Variants in AMPH observed in about 807,000 individuals in gnomAD.
The protein encoded by AMPH is amphiphysin (Stiff-Mann syndrome with breast cancer 128kD autoantigen).
Under a neutral mutation model 99.1 loss-of-function variants are expected in AMPH, and 49 were observed. The ratio of observed to expected loss-of-function variants is 0.49; its 90% CI spans 0.39 to 0.63. AMPH has a LOEUF of 0.63. Ranked by LOEUF, AMPH falls within the 20% of genes least tolerant of loss-of-function variation. AMPH has a pLI of 0.00. For missense variants in AMPH, 759 were observed against 863.4 expected (o/e 0.88, Z 1.52); for synonymous variants, 314 against 317.3 (o/e 0.99, Z 0.11).
intron 18 of AMPH, among the ~76,000 whole-genome samples, chr7:38,393,501 G>A (rs1170619894): frequency 6.6e-6 from 1 of 152,172 alleles, no homozygotes; most frequent in African/African-American, 2.4e-5. Flanking sequence ...GGACCTAATG[G>A]CCCTGGTCCC....
At chr7:38,389,952 C>T in intron 19 of AMPH, 47 bp from the exon 20 acceptor site, 1 of 1,371,620 alleles carries the variant, frequency 7.3e-7, no homozygotes, top group Non-Finnish European at 1.0e-6. Context: ...AGCCAGATTT[C>T]AAGCAGACAC....
At chr7:38,424,566 G>A (rs754235392) in intron 15 of AMPH, among the ~76,000 whole-genome samples, 4 of 151,528 alleles carry the variant, frequency 2.6e-5, no homozygotes, top group Non-Finnish European at 5.9e-5. Context: ...AAAGGAAACA[G>A]CAAAGAAACA....
chr7:38,579,493 T>C (rs1355428208), intron 1 of AMPH, among the ~76,000 whole-genome samples: 2 of 152,250 alleles, frequency 1.3e-5, no homozygotes, highest in African/African-American at 4.8e-5. Flanking sequence ...TACAATGTAA[T>C]ATACATCAAG....
intron 17 of AMPH, among the ~76,000 whole-genome samples, chr7:38,394,603 G>A (rs1784611778): frequency 6.6e-6 from 1 of 152,144 alleles, no homozygotes; most frequent in African/African-American, 2.4e-5. Context: ...TTGAATCTCG[G>A]GACCTTAAAC....
intron 15 of AMPH, among the ~76,000 whole-genome samples, chr7:38,426,087 A>G (rs1785773897): frequency 6.6e-6 from 1 of 152,224 alleles, no homozygotes; most frequent in Non-Finnish European, 1.5e-5. Context: ...ACATGGGAAA[A>G]TAATGAAACC....
chr7:38,630,039 T>C (rs1413160918), intron 1 of AMPH, among the ~76,000 whole-genome samples: 1 of 152,186 alleles, frequency 6.6e-6, no homozygotes, highest in Non-Finnish European at 1.5e-5. Flanking sequence ...CAGCAACTCA[T>C]GGTCAGCCGG....
At chr7:38,502,467 T>C (rs1789172890) in intron 3 of AMPH, among the ~76,000 whole-genome samples, 1 of 152,266 alleles carries the variant, frequency 6.6e-6, no homozygotes, top group South Asian at 2.1e-4. Context: ...ATTCCTTGTC[T>C]ACAAGGAACA....
chr7:38,538,873 C>T (rs1215001898), intron 1 of AMPH, among the ~76,000 whole-genome samples: 1 of 152,250 alleles, frequency 6.6e-6, no homozygotes, highest in South Asian at 2.1e-4. Context: ...TTTGAGACAG[C>T]TCTGTGGCAT....
chr7:38,460,150 C>A (rs558076717), intron 11 of AMPH, among the ~76,000 whole-genome samples: 2 of 152,132 alleles, frequency 1.3e-5, no homozygotes, highest in African/African-American at 4.8e-5. Context: ...TGTCATCGTA[C>A]CCCAGTTAGA....
chr7:38,568,429 C>A lies in AMPH; in HGVS notation c.70-33418G>T, dbSNP rs368252591. On this transcript the variant is annotated intron_variant, in intron 1 of 20. Transcript: ENST00000356264. ...GCAGTAAGCCAAGATTGTGCCACTG[C>A]ACTCCAGCCTGGGCGGCAAAGCGAG... 2.0e-4 allele frequency among the ~76,000 whole-genome samples: 30 copies of A among 152,278 alleles called. 1 individual carries two copies. The East Asian group carries it at 2.1e-3, about 11-fold the overall frequency.
At chr7:38,615,753 G>C (rs1385540209) in intron 1 of AMPH, among the ~76,000 whole-genome samples, 1 of 152,110 alleles carries the variant, frequency 6.6e-6, no homozygotes, top group African/African-American at 2.4e-5. Context: ...AGGCTAAGGA[G>C]ACCTGAAGTT....
chr7:38,472,419 T>A (rs995992373), intron 7 of AMPH, among the ~76,000 whole-genome samples: 2 of 152,166 alleles, frequency 1.3e-5, no homozygotes, highest in African/African-American at 4.8e-5. Context: ...AAAGTGTTTT[T>A]AAATGCTACC....
Position 38,512,430 on chromosome 7 carries a change from A to T in AMPH, c.151-8726T>A, listed in dbSNP as rs145030196. Among the ~76,000 whole-genome samples the T allele has an allele frequency of 7.6e-3, 1,158 of 152,326 alleles. 15 individuals carry two copies. The highest frequency in any genetic ancestry group is 0.027 in the African/African-American group (1,117 of 41,584). The stretch of plus-strand genomic sequence containing the variant: ...CCAGAATGGTACAGTCAACCTGGGA[A>T]TCATTGAGACAGATGCATCCAAACT... On this transcript the variant is annotated intron_variant, in intron 2 of 20. Coordinates refer to ENST00000356264, the MANE Select transcript of AMPH (RefSeq NM_001635.4).
intron 1 of AMPH, among the ~76,000 whole-genome samples, chr7:38,541,379 C>T (rs1291181031): frequency 3.1e-5 from 4 of 127,084 alleles, no homozygotes; most frequent in East Asian, 2.2e-4. Context: ...GACCTCTTTC[C>T]GAGTGTGTGT....
At chr7:38,534,292 G>A (rs1170117532) in intron 2 of AMPH, among the ~76,000 whole-genome samples, 2 of 152,078 alleles carry the variant, frequency 1.3e-5, no homozygotes, top group Non-Finnish European at 2.9e-5. Context: ...CATTTTACCA[G>A]AAGTGTTAAA....
chr7:38,557,514 T>C (rs1327154778), intron 1 of AMPH, among the ~76,000 whole-genome samples: 2 of 152,200 alleles, frequency 1.3e-5, no homozygotes, highest in Non-Finnish European at 2.9e-5. Flanking sequence ...TGCTGCCACG[T>C]GAAGCAGGAT....
intron 1 of AMPH, among the ~76,000 whole-genome samples, chr7:38,630,119 G>T (rs1013579513): frequency 6.6e-6 from 1 of 152,124 alleles, no homozygotes; most frequent in African/African-American, 2.4e-5. Context: ...GAGCAACATG[G>T]CAAATCTGAC....
chr7:38,444,307 C>A (rs1024662722), intron 11 of AMPH, among the ~76,000 whole-genome samples: 2 of 152,128 alleles, frequency 1.3e-5, no homozygotes, highest in Non-Finnish European at 2.9e-5. Context: ...CCCCACCCCC[C>A]AAATTTCATG....
At position 38,422,443 on chromosome 7, in the gene AMPH, T is replaced by C. The variant is rs1425001201; in HGVS notation, c.1250A>G (p.Asp417Gly). The C allele has an allele frequency of 6.2e-7, 1 of 1,613,656 alleles. No individual in the cohort carries two copies. Among genetic ancestry groups the C allele is most frequent in the Non-Finnish European group, 8.5e-7 (1 of 1,179,760 alleles). ...QDTSLFTMQT[D>G]QSMICNLAES... ...TACCAAGTTGCAGATCATACTCTGG[T>C]CTGTCTGCATTGTGAATAATGAAGT... Residue 417 changes from aspartate (D) to glycine (G), a missense_variant, in exon 16 of 21, where the codon GAC becomes GGC. Physicochemically the swap from Asp to Gly is moderately conservative, Grantham distance 94. Transcript: ENST00000356264.
Sources: allele counts gnomAD v4.1 joint callset (sites outside exome capture counted in the v4.1 genomes callset), GRCh38; gene constraint gnomAD v4.1.1; transcripts MANE v1.5; gene names NCBI Gene and HGNC (gene_info 2026-07-23, HGNC 2026-07-21).